The following TPCN1 variants were observed in gnomAD, a reference collection of about 807,000 sequenced individuals.
The protein encoded by TPCN1 is two pore segment channel 1.
A neutral mutation model predicts 108.8 loss-of-function variants in TPCN1; 52 were observed. That is an observed-to-expected ratio of 0.48 (90% CI 0.38 to 0.60). TPCN1 has a LOEUF of 0.60. Among genes scored for constraint, TPCN1 ranks in the 20% least tolerant of loss-of-function variants. The probability of loss-of-function intolerance (pLI) is 0.00; values close to 1 mark genes in which losing one functional copy is unlikely to be tolerated. For missense variants in TPCN1, 806 were observed against 1,072.8 expected (o/e 0.75, Z 3.47); for synonymous variants, 446 against 433.7 (o/e 1.03, Z -0.35).
rs543042201 is a variant in TPCN1, at chr12:113,277,283, G to A, written c.1103G>A (p.Arg368His). ...TACAGGCAGTTTGAAGGCCTCATGC[G>A]CTTCTACAAGCCCCGGATGAGTGCC... is the stretch of plus-strand genomic sequence containing the variant. The part of the protein sequence containing the change: ...ISYRQFEGLM[R>H]FYKPRMSARE... The change falls in exon 12 of 28, where the codon CGC (arginine) becomes CAC (histidine). Residue 368 changes from arginine (R) to histidine (H), a missense_variant. Transcript: ENST00000335509. 26 of 1,614,054 alleles carry A rather than the reference G, an allele frequency of 1.6e-5. No individual in the cohort carries two copies. The highest frequency in any genetic ancestry group is 4.0e-5 in the African/African-American group (3 of 75,044).
At position 113,290,957 on chromosome 12, in the gene TPCN1, C is replaced by G; in HGVS notation, c.1918C>G (p.Leu640Val). ...FDNILNSFVT[L>V]FELTVVNNWY... ...TTTCTCTCTTCCCTCGGCAGTGACC[C>G]TGTTTGAGCTCACAGTTGTCAACAA... The change falls in exon 23 of 28, where the codon CTG (leucine) becomes GTG (valine). Residue 640 changes from leucine (L) to valine (V), a missense_variant. Coordinates refer to ENST00000335509, the MANE Select transcript of TPCN1 (RefSeq NM_017901.6). 1 of 1,613,844 alleles carries G rather than the reference C, an allele frequency of 6.2e-7. No individual in the cohort carries two copies. Among genetic ancestry groups the G allele is most frequent in the Middle Eastern group, 1.6e-4 (1 of 6,062 alleles).
chr12:113,266,565 C>T lies in TPCN1; in HGVS notation c.414+209C>T, dbSNP rs535697199. On this transcript the variant is annotated intron_variant, in intron 4 of 27. Transcript: ENST00000335509. This position sits in a 1 kb window ranked among gnomAD's most constrained non-coding sequence, Gnocchi z 4.2. ...GCCTTCACCCAGTCTCTCTGGGATT[C>T]TGCCCACCAGTAAATTCCAGGGAGG... Among the ~76,000 whole-genome samples, 5 of 152,366 alleles carry T rather than the reference C, an allele frequency of 3.3e-5. No homozygotes were observed. Among genetic ancestry groups the T allele is most frequent in the African/African-American group, 9.6e-5 (4 of 41,594 alleles).
chr12:113,256,148 T>G (rs1487308708), intron 2 of TPCN1, among the ~76,000 whole-genome samples: 1 of 152,184 alleles, frequency 6.6e-6, no homozygotes, highest in Non-Finnish European at 1.5e-5. Flanking sequence ...AAAAAATTTT[T>G]TTTTTGTAGA....
intron 27 of TPCN1, among the ~76,000 whole-genome samples, chr12:113,295,678 A>C (rs1956400628): frequency 6.6e-6 from 1 of 152,180 alleles, no homozygotes; most frequent in Non-Finnish European, 1.5e-5. Context: ...GGTTATGCTC[A>C]CAAACAAGGG....
intron 17 of TPCN1, 77 bp from the exon 18 acceptor site, chr12:113,285,812 G>C (rs1255914667): frequency 7.9e-7 from 1 of 1,266,504 alleles, no homozygotes; most frequent in African/African-American, 1.5e-5. Context: ...GCAGACTGTG[G>C]AGGAGCCTCA....
rs552528317 is a variant in TPCN1, at chr12:113,251,886, C to T, written c.113-8482C>T. Among the ~76,000 whole-genome samples, 5 of 152,270 alleles carry T rather than the reference C, an allele frequency of 3.3e-5. No individual in the cohort carries two copies. In the East Asian group the frequency reaches 9.6e-4, roughly 29 times the overall value. On this transcript the variant is annotated intron_variant, in intron 2 of 27. Transcript: ENST00000335509. ...CCTCAAGGCGTCTGGGTCAGGTGGTCAGGAAAGGCCTGGACAGTGAGAGTG... is the reference window on the plus strand; with the variant it reads ...CCTCAAGGCGTCTGGGTCAGGTGGTTAGGAAAGGCCTGGACAGTGAGAGTG...
rs756097481 is a variant in TPCN1, at chr12:113,266,335, C to T, written c.393C>T (p.Pro131=). 4.4e-5 allele frequency: 70 copies of T among 1,608,834 alleles called. No homozygotes were observed. The highest frequency in any genetic ancestry group is 5.3e-5 in the Non-Finnish European group (62 of 1,179,992). The change falls in exon 4 of 28, where the codon CCC becomes CCT. Residue 131 remains proline (P), a synonymous_variant. Coordinates refer to ENST00000335509, the MANE Select transcript of TPCN1 (RefSeq NM_017901.6). The surrounding 1 kb of genome is among the most constrained non-coding windows in gnomAD (Gnocchi z 4.2). ...LLSLCEAPAV[P]ALRLGIYVHA... ...CCCTGTGCGAGGCCCCCGCCGTCCC[C>T]GCACTCCGGCTTGGCATCTATGTGA...
chr12:113,231,544 G>A lies in TPCN1; in HGVS notation c.112+4580G>A, dbSNP rs1470197367. On this transcript the variant is annotated intron_variant, in intron 2 of 27. Coordinates refer to ENST00000335509, the MANE Select transcript of TPCN1 (RefSeq NM_017901.6). The surrounding 1 kb of genome is among the most constrained non-coding windows in gnomAD (Gnocchi z 4.3). ...GGACTTCAGCCTATGAATTTGAGGG[G>A]GACACAGTTCAGGCCATCACACTCC... is the stretch of plus-strand genomic sequence containing the variant. 6.6e-6 allele frequency among the ~76,000 whole-genome samples: 1 copy of A among 152,176 alleles called. No individual in the cohort carries two copies. Among genetic ancestry groups the A allele is most frequent in the Non-Finnish European group, 1.5e-5 (1 of 68,044 alleles).
At chr12:113,287,652 C>T (rs539909286) in intron 19 of TPCN1, among the ~76,000 whole-genome samples, 111 of 152,354 alleles carry the variant, frequency 7.3e-4, no homozygotes, top group African/African-American at 2.6e-3. Context: ...GCCCCATCCT[C>T]TCCCAAGGCG....
intron 1 of TPCN1, among the ~76,000 whole-genome samples, chr12:113,224,411 A>G (rs569909813): frequency 5.9e-5 from 9 of 152,256 alleles, no homozygotes; most frequent in African/African-American, 2.2e-4. Context: ...TATTATTACT[A>G]TTTTGAGACG....
intron 2 of TPCN1, among the ~76,000 whole-genome samples, chr12:113,251,785 C>T (rs539919564): frequency 6.6e-6 from 1 of 152,374 alleles, no homozygotes; most frequent in African/African-American, 2.4e-5. Context: ...TCTTTTTCTG[C>T]AGGCAAGCCA....
At chr12:113,254,176 T>C (rs1420905097) in intron 2 of TPCN1, among the ~76,000 whole-genome samples, 1 of 152,270 alleles carries the variant, frequency 6.6e-6, no homozygotes, top group South Asian at 2.1e-4. Flanking sequence ...CTGAAGAAGG[T>C]TAATATGTAA....
chr12:113,249,141 C>T (rs1461431497), intron 2 of TPCN1, among the ~76,000 whole-genome samples: 2 of 152,148 alleles, frequency 1.3e-5, no homozygotes. Context: ...TCTCAGTCAC[C>T]CCAGGGCCTT....
At chr12:113,222,344 C>A (rs973624152) in intron 1 of TPCN1, among the ~76,000 whole-genome samples, 3 of 152,182 alleles carry the variant, frequency 2.0e-5, no homozygotes, top group African/African-American at 7.2e-5. Context: ...CTTCAATTTC[C>A]TCATTCCTAA....
At position 113,268,657 on chromosome 12, in the gene TPCN1, C is replaced by A. The variant is rs1955372295; in HGVS notation, c.529-85C>A. The A allele has an allele frequency of 1.3e-6, 2 of 1,551,804 alleles. No individual in the cohort carries two copies. The highest frequency in any genetic ancestry group is 3.5e-5 in the Admixed American group (2 of 57,828). ...AGGCCTCCCGAGGCCAGAGTGGGCA[C>A]TGCCTCTCCAGCCCCCCGTTCCAGG... On this transcript the variant is annotated intron_variant, in intron 5 of 27. Transcript: ENST00000335509. This position sits in a 1 kb window ranked among gnomAD's most constrained non-coding sequence, Gnocchi z 7.3.
intron 10 of TPCN1, 25 bp from the exon 11 acceptor site, chr12:113,276,894 A>G (rs977221773): frequency 6.5e-7 from 1 of 1,547,110 alleles, no homozygotes; most frequent in African/African-American, 1.4e-5. Flanking sequence ...GTCCTGAGCT[A>G]GGGCTCTGTG....
At chr12:113,249,458 A>G (rs1487175737) in intron 2 of TPCN1, 1 of 152,182 alleles carries the variant, frequency 6.6e-6, no homozygotes, top group African/African-American at 2.4e-5. Context: ...GCTGTAACCA[A>G]TTGGCCCTAT....
At chr12:113,236,546 G>C (rs1041678043) in intron 2 of TPCN1, among the ~76,000 whole-genome samples, 2 of 152,012 alleles carry the variant, frequency 1.3e-5, no homozygotes, top group Non-Finnish European at 2.9e-5. Context: ...AGTAAGGAGG[G>C]GGGTTGCAGT....
intron 17 of TPCN1, 30 bp from the exon 18 acceptor site, chr12:113,285,859 C>A: frequency 6.3e-7 from 1 of 1,585,024 alleles, no homozygotes; most frequent in Non-Finnish European, 8.6e-7. Context: ...TGTGGCGGGG[C>A]TGCTGCCGAT....
Sources: gnomAD v4.1 joint callset for allele counts (sites outside exome capture counted in the v4.1 genomes callset) on GRCh38, gnomAD v4.1.1 for gene constraint, Gnocchi (gnomAD v3.1) non-coding constraint, MANE v1.5 for transcripts, NCBI Gene and HGNC (gene_info 2026-07-23, HGNC 2026-07-21) for gene names.